The following ALKBH3 variants were observed in gnomAD, a reference collection of about 807,000 sequenced individuals.
The protein encoded by ALKBH3 is alpha-ketoglutarate-dependent dioxygenase alkB homolog 3.
ALKBH3 carries 51 observed loss-of-function variants against 43.9 expected under a neutral mutation model. The observed-to-expected ratio is 1.16, with a 90% CI of 0.93 to 1.47. The LOEUF is 1.47. Among genes scored for constraint, ALKBH3 ranks in the 40% most tolerant of loss-of-function variants. The pLI is 0.00. For missense variants in ALKBH3, 361 were observed against 351.9 expected, an observed-to-expected ratio of 1.03 and a Z score of -0.21; for synonymous variants, 102 against 115.2, an observed-to-expected ratio of 0.89 and a Z score of 0.73.
chr11:43,885,835 G>A (rs1019857125), intron 4 of ALKBH3, among the ~76,000 whole-genome samples: 2 of 152,208 alleles, frequency 1.3e-5, no homozygotes, highest in African/African-American at 2.4e-5. Flanking sequence ...GTAAGGTCTA[G>A]TGGTAACACA....
At position 43,901,602 on chromosome 11, in the gene ALKBH3, C is replaced by T. The variant is rs764983251; in HGVS notation, c.546C>T (p.Arg182=). The part of the protein sequence containing the change: ...TFNSLLCNLY[R]NEKDSVDWHS... ...ACTCCTTACTCTGCAATCTTTATCGCAATGAGAAGGACAGCGTGGACTGGC... is the reference window on the plus strand; with the variant it reads ...ACTCCTTACTCTGCAATCTTTATCGTAATGAGAAGGACAGCGTGGACTGGC... Residue 182 remains arginine, a synonymous_variant, in exon 8 of 10, where the codon CGC becomes CGT. Coordinates refer to ENST00000302708, the MANE Select transcript of ALKBH3 (RefSeq NM_139178.4). The T allele has an allele frequency of 2.5e-6, 4 of 1,614,252 alleles. No individual in the cohort carries two copies. Among genetic ancestry groups the T allele is most frequent in the Non-Finnish European group, 2.5e-6 (3 of 1,180,048 alleles).
In ALKBH3 at chr11:43,882,635, G is replaced by A. The variant is rs1951719668; in HGVS notation, c.-18G>A. 4 of 1,608,776 alleles carry A rather than the reference G, an allele frequency of 2.5e-6. No homozygotes were observed. Among genetic ancestry groups the A allele is most frequent in the African/African-American group, 1.3e-5 (1 of 74,570 alleles). On this transcript the variant is annotated 5_prime_UTR_variant, in exon 2 of 10. Transcript: ENST00000302708. ...CAAAATCTTCTGAAAGCTCGGAGCA[G>A]AAGCCTTTTTGGTCAACATGGAGGA... is the stretch of plus-strand genomic sequence containing the variant.
intron 6 of ALKBH3, among the ~76,000 whole-genome samples, chr11:43,891,595 T>C (rs1023028779): frequency 6.6e-6 from 1 of 152,196 alleles, no homozygotes; most frequent in Non-Finnish European, 1.5e-5. Context: ...TTTTCCTCCC[T>C]TGAATCAAAA....
intron 7 of ALKBH3, chr11:43,897,524 T>C (rs1386533022): frequency 2.6e-6 from 2 of 765,730 alleles, no homozygotes; most frequent in African/African-American, 3.4e-5. Flanking sequence ...TGGCTGCCTA[T>C]GAAAGGAGGT....
chr11:43,894,395 A>T (rs1009113387), intron 7 of ALKBH3, among the ~76,000 whole-genome samples: 1 of 152,214 alleles, frequency 6.6e-6, no homozygotes, highest in Admixed American at 6.5e-5. Flanking sequence ...AAATGTCTTC[A>T]CTGAACAGTG....
chr11:43,886,195 T>TC (rs1345646908), intron 4 of ALKBH3, among the ~76,000 whole-genome samples: 1 of 152,172 alleles, frequency 6.6e-6, no homozygotes, highest in Non-Finnish European at 1.5e-5. Context: ...ATCAGATGTG[T>TC]ATCTCTGAAA....
chr11:43,905,471 A>G (rs970974112), intron 8 of ALKBH3, among the ~76,000 whole-genome samples: 4 of 151,972 alleles, frequency 2.6e-5, no homozygotes, highest in Non-Finnish European at 5.9e-5. Flanking sequence ...CTGTGGTCCA[A>G]GTCTGCCAAG....
At position 43,914,980 on chromosome 11, in the gene ALKBH3, T is replaced by C. The variant is rs1227961537; in HGVS notation, c.670-4058T>C. On this transcript the variant is annotated intron_variant, in intron 8 of 9. Coordinates refer to ENST00000302708, the MANE Select transcript of ALKBH3 (RefSeq NM_139178.4). ...CAGCACTTTGGGAGGCCAAGGCAGG[T>C]GGATCACTTGAGCCCAGGAGTTCAA... 3.3e-5 allele frequency among the ~76,000 whole-genome samples: 5 copies of C among 151,616 alleles called. No homozygotes were observed. The East Asian group carries it at 9.7e-4, about 29-fold the overall frequency.
chr11:43,889,194 A>G (rs1369694950), intron 5 of ALKBH3, among the ~76,000 whole-genome samples: 1 of 152,012 alleles, frequency 6.6e-6, no homozygotes, highest in Non-Finnish European at 1.5e-5. Context: ...CGCCCAGCTG[A>G]TTTTGTATTT....
At chr11:43,887,004 A>G (rs554329849) in intron 5 of ALKBH3, among the ~76,000 whole-genome samples, 42 of 152,232 alleles carry the variant, frequency 2.8e-4, no homozygotes, top group African/African-American at 1.0e-3. Context: ...ACTAATGGGC[A>G]CTAGACTTAA....
chr11:43,898,658 A>G, intron 7 of ALKBH3: 1 of 725,876 alleles, frequency 1.4e-6, no homozygotes, highest in Non-Finnish European at 2.6e-6. Context: ...TGGAGACCTG[A>G]TGTCAAAGTG....
At chr11:43,901,420 T>TTGCCTTTTCTGAAA in intron 7 of ALKBH3, 96 bp from the exon 8 acceptor site, 1 of 1,399,402 alleles carries the variant, frequency 7.1e-7, no homozygotes, top group South Asian at 1.3e-5. Flanking sequence ...GGTTATAACT[T>TTGCCTTTTCTGAAA]GGCTGATTTT....
intron 7 of ALKBH3, chr11:43,898,944 T>C (rs754980407): frequency 2.0e-5 from 15 of 748,380 alleles, no homozygotes; most frequent in Admixed American, 5.3e-5. Context: ...ATCTCTCTAC[T>C]GGACCATGGA....
chr11:43,892,414 T>A (rs942100970), intron 7 of ALKBH3, among the ~76,000 whole-genome samples: 1 of 152,230 alleles, frequency 6.6e-6, no homozygotes, highest in Admixed American at 6.5e-5. Context: ...CTGTATTCCT[T>A]CTGTGTACAC....
intron 5 of ALKBH3, among the ~76,000 whole-genome samples, chr11:43,887,606 C>T (rs1010714680): frequency 1.3e-5 from 2 of 151,928 alleles, no homozygotes; most frequent in East Asian, 1.9e-4. Flanking sequence ...TGAGCCACCA[C>T]GTCTGGCCTG....
chr11:43,897,259 G>C (rs778936509), intron 7 of ALKBH3: 1 of 565,496 alleles, frequency 1.8e-6, no homozygotes, highest in Non-Finnish European at 3.4e-6. Context: ...CTGCTCCGCA[G>C]AGCTGCTGGT....
chr11:43,903,735 C>T (rs1951878327), intron 8 of ALKBH3, among the ~76,000 whole-genome samples: 1 of 152,126 alleles, frequency 6.6e-6, no homozygotes, highest in African/African-American at 2.4e-5. Context: ...ATATTCACCA[C>T]CACCATGCCC....
At chr11:43,911,678 G>T (rs947401381) in intron 8 of ALKBH3, among the ~76,000 whole-genome samples, 9 of 152,078 alleles carry the variant, frequency 5.9e-5, no homozygotes, top group African/African-American at 2.2e-4. Context: ...TATTTCCATT[G>T]TACAGATGAG....
At chr11:43,897,374 C>T (rs1192174383) in intron 7 of ALKBH3, 2 of 711,112 alleles carry the variant, frequency 2.8e-6, no homozygotes, top group South Asian at 2.7e-5. Context: ...AATATCCTCT[C>T]ACCATATTCA....
Sources: gnomAD v4.1 joint callset for allele counts (sites outside exome capture counted in the v4.1 genomes callset) on GRCh38, gnomAD v4.1.1 for gene constraint, MANE v1.5 for transcripts, NCBI Gene and HGNC (gene_info 2026-07-23, HGNC 2026-07-21) for gene names.